Variants in SELENOS observed in about 807,000 individuals in gnomAD.
The protein encoded by SELENOS is VCP interacting membrane selenoprotein.
A neutral mutation model predicts 30.2 loss-of-function variants in SELENOS; 37 were observed. The ratio of observed to expected loss-of-function variants is 1.23; its 90% CI spans 0.94 to 1.61. The LOEUF (loss-of-function observed/expected upper bound fraction) is 1.61, where lower values mean the gene tolerates loss of function less well. Among genes scored for constraint, SELENOS ranks in the 40% most tolerant of loss-of-function variants. SELENOS has a pLI of 0.00. For missense variants in SELENOS, 289 were observed against 231.8 expected (o/e 1.25, Z -1.60); for synonymous variants, 119 against 91.6 (o/e 1.30, Z -1.71).
chr15:101,277,405 C>G lies in SELENOS; in HGVS notation c.13G>C (p.Glu5Gln). The change falls in exon 1 of 6, where the codon GAG becomes CAG. Residue 5 changes from glutamate to glutamine, a missense_variant. Glu to Gln is a conservative substitution (Grantham distance 29). Transcript: ENST00000526049. MERQ[E>Q]ESLSARPALE... is the part of the protein sequence containing the mutation. The stretch of plus-strand genomic sequence containing the variant: ...GCCGGCCGCGCGGACAGAGACTCCT[C>G]TTGGCGTTCCATGACCGCCGCCGCC... 6.0e-6 allele frequency: 9 copies of G among 1,489,848 alleles called. No homozygotes were observed. Among genetic ancestry groups the G allele is most frequent in the Non-Finnish European group, 8.0e-6 (9 of 1,127,558 alleles). 92.3% of individuals were successfully genotyped at this position (1,489,848 alleles called of 1,614,324 possible).
At chr15:101,271,566 A>G (rs1329052906), downstream of SELENOS, 5 of 152,236 alleles carry the variant, frequency 3.3e-5, no homozygotes, top group Admixed American at 6.5e-5. Flanking sequence ...CATTCTCCAG[A>G]GCGCTCCTCA....
At chr15:101,273,651 C>T (rs1252374605) in intron 5 of SELENOS, among the ~76,000 whole-genome samples, 1 of 152,178 alleles carries the variant, frequency 6.6e-6, no homozygotes, top group East Asian at 1.9e-4. Flanking sequence ...TTTCCAGATG[C>T]ATCACCTTCT....
chr15:101,277,109 CAA>C, intron 1 of SELENOS: 2 of 788,088 alleles, frequency 2.5e-6, no homozygotes, highest in Non-Finnish European at 4.2e-6. Flanking sequence ...GCTTGGTTCG[CAA>C]AAAAGACTTG....
Position 101,274,226 on chromosome 15 carries a change from A to G in SELENOS, c.484+194T>C, listed in dbSNP as rs148511916. On this transcript the variant is annotated intron_variant, in intron 5 of 5. Transcript: ENST00000526049. ...TGCAGAAGGATCAAGTTAGAATACT[A>G]TAAGTACAATCCTTCTAAGTACTTA... is the stretch of plus-strand genomic sequence containing the variant. The G allele has an allele frequency of 9.2e-4, 606 of 658,792 alleles. 2 individuals carry two copies. In the African/African-American group the frequency reaches 9.6e-3, roughly 10 times the overall value. 40.8% of individuals were successfully genotyped at this position (658,792 alleles called of 1,614,324 possible).
In SELENOS at chr15:101,272,217, G is replaced by A. The variant is rs1213368885; in HGVS notation, c.*554C>T. 1 of 152,232 alleles carries A rather than the reference G, an allele frequency of 6.6e-6. No individual in the cohort carries two copies. 9.4% of individuals were successfully genotyped at this position (152,232 alleles called of 1,614,324 possible). On this transcript the variant is annotated 3_prime_UTR_variant, in exon 6 of 6. Transcript: ENST00000526049. ...AGGTTGTAATAAAAAGCTATTTAAT[G>A]TTTGATAGACAAATTGAAGTCCATA... is the stretch of plus-strand genomic sequence containing the variant.
chr15:101,276,532 G>C lies in SELENOS; in HGVS notation c.211+9C>G. The C allele has an allele frequency of 6.3e-7, 1 of 1,591,852 alleles. No homozygotes were observed. The highest frequency in any genetic ancestry group is 8.5e-7 in the Non-Finnish European group (1 of 1,172,864). ...ACCACCGCTTTCATTTCGGTTATCA[G>C]GCACTAACCCACAGCAGCCGCAGCT... is the stretch of plus-strand genomic sequence containing the variant. On this transcript the variant is annotated intron_variant, in intron 2 of 5. Transcript: ENST00000526049.
chr15:101,272,210 A>C lies in SELENOS; in HGVS notation c.*561T>G, dbSNP rs1484775195. 1 of 152,268 alleles carries C rather than the reference A, an allele frequency of 6.6e-6. No homozygotes were observed. The highest frequency in any genetic ancestry group is 1.5e-5 in the Non-Finnish European group (1 of 68,046). 9.4% of individuals were successfully genotyped at this position (152,268 alleles called of 1,614,324 possible). A position where few individuals can be genotyped will look rare whatever the true frequency, so the allele number is the denominator to read the frequency against. ...TAGTTAGAGGTTGTAATAAAAAGCT[A>C]TTTAATGTTTGATAGACAAATTGAA... On this transcript the variant is annotated 3_prime_UTR_variant, in exon 6 of 6. Coordinates refer to ENST00000526049, the MANE Select transcript of SELENOS (RefSeq NM_018445.6).
At chr15:101,271,971 G>A (rs2039272609), downstream of SELENOS, among the ~76,000 whole-genome samples, 1 of 152,198 alleles carries the variant, frequency 6.6e-6, no homozygotes. Context: ...CATGGCGTAA[G>A]GGAATAACTG....
chr15:101,277,409 G>A lies in SELENOS; in HGVS notation c.9C>T (p.Arg3=), dbSNP rs1018993815. 6.7e-7 allele frequency: 1 copy of A among 1,488,314 alleles called. No individual in the cohort carries two copies. Among genetic ancestry groups the A allele is most frequent in the Non-Finnish European group, 8.9e-7 (1 of 1,126,930 alleles). 92.2% of individuals were successfully genotyped at this position (1,488,314 alleles called of 1,614,324 possible). A position where few individuals can be genotyped will look rare whatever the true frequency, so the allele number is the denominator to read the frequency against. The change falls in exon 1 of 6, where the codon CGC becomes CGT. Residue 3 remains arginine (R), a synonymous_variant. Coordinates refer to ENST00000526049, the MANE Select transcript of SELENOS (RefSeq NM_018445.6). The part of the protein sequence containing the change: ME[R]QEESLSARPA... ...GCCGCGCGGACAGAGACTCCTCTTG[G>A]CGTTCCATGACCGCCGCCGCCGCCG...
Position 101,275,418 on chromosome 15 carries a change from T to A in SELENOS, c.212-57A>T, listed in dbSNP as rs1256076185. The A allele has an allele frequency of 8.8e-6, 12 of 1,362,612 alleles. 1 individual carries two copies. The highest frequency in any genetic ancestry group is 2.9e-6 in the Non-Finnish European group (3 of 1,019,754). 84.4% of individuals were successfully genotyped at this position (1,362,612 alleles called of 1,614,324 possible). On this transcript the variant is annotated intron_variant, in intron 2 of 5. Transcript: ENST00000526049. ...ACTGTGTACAATATAAAATAGAAACTTTTGAGTGTCCATATTATTAAAAGT... is the reference window on the plus strand; with the variant it reads ...ACTGTGTACAATATAAAATAGAAACATTTGAGTGTCCATATTATTAAAAGT...
In SELENOS at chr15:101,272,650, T is replaced by G; in HGVS notation, c.*121A>C. On this transcript the variant is annotated 3_prime_UTR_variant, in exon 6 of 6. Coordinates refer to ENST00000526049, the MANE Select transcript of SELENOS (RefSeq NM_018445.6). Reference sequence around the variant, plus strand: ...GAGCCCTGACATATGCAGGTGTAGTTAGGAACAGAAATCAACCCCACCTCC... The same window carrying G: ...GAGCCCTGACATATGCAGGTGTAGTGAGGAACAGAAATCAACCCCACCTCC... 1 of 1,016,342 alleles carries G rather than the reference T, an allele frequency of 9.8e-7. No homozygotes were observed. The highest frequency in any genetic ancestry group is 1.5e-6 in the Non-Finnish European group (1 of 674,416). The allele number at this position is 1,016,342 out of a possible 1,614,324, so 63.0% of individuals were successfully genotyped here.
At chr15:101,274,927 G>A in intron 3 of SELENOS, 1 of 587,540 alleles carries the variant, frequency 1.7e-6, no homozygotes, top group Non-Finnish European at 2.9e-6. Context: ...CCATTCTTCT[G>A]AAACTCACTC....
intron 3 of SELENOS, 37 bp from the exon 4 acceptor site, chr15:101,274,718 A>C: frequency 6.3e-7 from 1 of 1,576,056 alleles, no homozygotes; most frequent in South Asian, 1.2e-5. Context: ...AGAATTCAGA[A>C]GCTGCCATTT....
At chr15:101,274,877 T>C (rs565682495) in intron 3 of SELENOS, 196 bp from the exon 4 acceptor site, 1 of 625,382 alleles carries the variant, frequency 1.6e-6, no homozygotes, top group Admixed American at 3.4e-5. Context: ...TTGTACACTA[T>C]TAAAGAAAGC....
intron 2 of SELENOS, 59 bp from the exon 3 acceptor site, chr15:101,275,420 T>C (rs1055441797): frequency 7.4e-7 from 1 of 1,350,630 alleles, no homozygotes; most frequent in Non-Finnish European, 9.9e-7. Context: ...ATAGAAACTT[T>C]TGAGTGTCCA....
intron 2 of SELENOS, among the ~76,000 whole-genome samples, chr15:101,275,662 A>G (rs916885917): frequency 2.6e-5 from 4 of 152,220 alleles, no homozygotes; most frequent in African/African-American, 9.6e-5. Flanking sequence ...GTGGCCACAC[A>G]GAGCACATCT....
At position 101,276,594 on chromosome 15, in the gene SELENOS, G is replaced by A; in HGVS notation, c.158C>T (p.Ala53Val). The part of the protein sequence containing the change: ...LLYVVFQKLS[A>V]RLRALRQRQL... ...CCTCTGCCTCAAGGCTCTTAGCCGG[G>A]CGGAAAGCTTCTGAAAGACCACGTA... Residue 53 changes from alanine (A) to valine (V), a missense_variant, in exon 2 of 6, where the codon GCC (alanine) becomes GTC (valine). Coordinates refer to ENST00000526049, the MANE Select transcript of SELENOS (RefSeq NM_018445.6). 3 of 1,613,856 alleles carry A rather than the reference G, an allele frequency of 1.9e-6. No individual in the cohort carries two copies. The highest frequency in any genetic ancestry group is 2.5e-6 in the Non-Finnish European group (3 of 1,179,832).
chr15:101,271,025 C>A (rs1331287725), downstream of SELENOS: 1 of 152,138 alleles, frequency 6.6e-6, no homozygotes, highest in African/African-American at 2.4e-5. Flanking sequence ...TAAACATACC[C>A]CTCTACTTTT....
chr15:101,276,810 G>C (rs1043487344), intron 1 of SELENOS, 135 bp from the exon 2 acceptor site: 1 of 1,059,198 alleles, frequency 9.4e-7, no homozygotes, highest in Non-Finnish European at 1.3e-6. Context: ...AGCCTCCTAA[G>C]TAGATCGTTA....
Sources: gnomAD v4.1 joint callset for allele counts (sites outside exome capture counted in the v4.1 genomes callset) on GRCh38, gnomAD v4.1.1 for gene constraint, MANE v1.5 for transcripts, NCBI Gene and HGNC (gene_info 2026-07-23, HGNC 2026-07-21) for gene names.